Variants in FRMD5 observed in about 807,000 individuals in gnomAD.
The protein encoded by FRMD5 is FERM domain-containing protein 5.
A neutral mutation model predicts 69.0 loss-of-function variants in FRMD5; 20 were observed. That is an observed-to-expected ratio of 0.29 (90% CI 0.20 to 0.42). The LOEUF (loss-of-function observed/expected upper bound fraction) is 0.42. Ranked by LOEUF, FRMD5 falls within the 10% of genes least tolerant of loss-of-function variation. The probability of loss-of-function intolerance (pLI) is 1.00; values close to 1 mark genes in which losing one functional copy is unlikely to be tolerated. For missense variants in FRMD5, 595 were observed against 708.6 expected, an observed-to-expected ratio of 0.84 and a Z score of 1.82; for synonymous variants, 271 against 260.1, an observed-to-expected ratio of 1.04 and a Z score of -0.40.
At chr15:43,908,052 G>T (rs1240270505) in intron 5 of FRMD5, among the ~76,000 whole-genome samples, 1 of 152,116 alleles carries the variant, frequency 6.6e-6, no homozygotes, top group African/African-American at 2.4e-5. Flanking sequence ...CTGTAGAAAA[G>T]ACTAGAGTTT....
chr15:44,110,699 C>T (rs768944542), intron 1 of FRMD5, among the ~76,000 whole-genome samples: 23 of 152,298 alleles, frequency 1.5e-4, no homozygotes, highest in Middle Eastern at 3.4e-3. Flanking sequence ...TACTGCTAAC[C>T]CTGAAACTCT....
At chr15:44,173,354 C>A (rs189882613) in intron 1 of FRMD5, among the ~76,000 whole-genome samples, 9 of 152,092 alleles carry the variant, frequency 5.9e-5, no homozygotes, top group Non-Finnish European at 1.3e-4. Context: ...AGTAATACAG[C>A]TAGTTCTCCT....
At chr15:43,884,230 G>C (rs1455043505) in intron 12 of FRMD5, among the ~76,000 whole-genome samples, 1 of 152,162 alleles carries the variant, frequency 6.6e-6, no homozygotes, top group Non-Finnish European at 1.5e-5. Flanking sequence ...CCTTCCCAGA[G>C]GCAAAGGCTG....
intron 1 of FRMD5, among the ~76,000 whole-genome samples, chr15:44,180,256 C>A (rs2077974263): frequency 6.6e-6 from 1 of 151,862 alleles, no homozygotes; most frequent in South Asian, 2.1e-4. Flanking sequence ...TGAAAGAATG[C>A]ATATAAAGCA....
intron 4 of FRMD5, among the ~76,000 whole-genome samples, chr15:43,918,014 T>G (rs1383210968): frequency 6.6e-6 from 1 of 152,234 alleles, no homozygotes; most frequent in African/African-American, 2.4e-5. Flanking sequence ...CCCACTTCCT[T>G]GTTGCCTTTG....
intron 1 of FRMD5, among the ~76,000 whole-genome samples, chr15:43,987,741 G>A (rs1456189211): frequency 6.6e-6 from 1 of 151,900 alleles, no homozygotes; most frequent in African/African-American, 2.4e-5. Context: ...GTAGAGATGG[G>A]GTTTCACCAT....
At chr15:44,020,299 T>C (rs916133064) in intron 1 of FRMD5, among the ~76,000 whole-genome samples, 3 of 152,208 alleles carry the variant, frequency 2.0e-5, no homozygotes, top group Non-Finnish European at 4.4e-5. Context: ...TTATCACGTT[T>C]GCTCTTCCCT....
At chr15:43,911,565 A>G (rs964127128) in intron 4 of FRMD5, among the ~76,000 whole-genome samples, 4 of 152,172 alleles carry the variant, frequency 2.6e-5, no homozygotes. Flanking sequence ...CCTGACTGCA[A>G]CCTCGTGATT....
At chr15:44,090,459 G>A (rs78194493) in intron 1 of FRMD5, among the ~76,000 whole-genome samples, 1 of 123,272 alleles carries the variant, frequency 8.1e-6, no homozygotes, top group African/African-American at 2.9e-5. Flanking sequence ...TTTTTTTTTT[G>A]AGATACTTTC....
chr15:43,913,014 C>T (rs538161894), intron 4 of FRMD5, among the ~76,000 whole-genome samples: 6 of 145,042 alleles, frequency 4.1e-5, no homozygotes, highest in South Asian at 2.2e-4. Flanking sequence ...GCCTGGCTGA[C>T]GAGAGCAAAA....
At chr15:43,986,791 G>A (rs1288126615) in intron 1 of FRMD5, among the ~76,000 whole-genome samples, 3 of 150,948 alleles carry the variant, frequency 2.0e-5, no homozygotes, top group Non-Finnish European at 4.4e-5. Flanking sequence ...TAGATATTGT[G>A]GGGTTTTTGT....
chr15:43,875,348 C>CAAAAAAAAAAAAAA (rs1202161221), intron 13 of FRMD5, among the ~76,000 whole-genome samples: 1 of 46,828 alleles, frequency 2.1e-5, no homozygotes, highest in African/African-American at 1.0e-4. Flanking sequence ...AAGACTGTCT[C>CAAAAAAAAAAAAAA]AAAAAAAAAA....
intron 1 of FRMD5, among the ~76,000 whole-genome samples, chr15:44,146,813 C>T (rs1595520920): frequency 1.3e-5 from 2 of 152,234 alleles, no homozygotes; most frequent in Non-Finnish European, 2.9e-5. Context: ...AGTATCTGTT[C>T]ATGTCCTTTG....
chr15:43,988,790 C>T (rs1889524119), intron 1 of FRMD5, among the ~76,000 whole-genome samples: 1 of 152,048 alleles, frequency 6.6e-6, no homozygotes, highest in African/African-American at 2.4e-5. Flanking sequence ...GGGCAAGGTA[C>T]TTCCTGTAAC....
intron 1 of FRMD5, among the ~76,000 whole-genome samples, chr15:43,992,388 T>C (rs1889727169): frequency 6.6e-6 from 1 of 151,888 alleles, no homozygotes; most frequent in African/African-American, 2.4e-5. Context: ...TATTTATTTT[T>C]ATTTTTTTGA....
chr15:44,058,422 T>C (rs561928983), intron 1 of FRMD5, among the ~76,000 whole-genome samples: 1 of 152,290 alleles, frequency 6.6e-6, no homozygotes, highest in South Asian at 2.1e-4. Flanking sequence ...AATTATATTG[T>C]GGTGATGGTT....
At position 43,870,905 on chromosome 15, in the gene FRMD5, T is replaced by G. The variant is rs2088144668; in HGVS notation, c.*2980A>C. The G allele has an allele frequency of 6.6e-6, 1 of 152,206 alleles. No homozygotes were observed. Among genetic ancestry groups the G allele is most frequent in the South Asian group, 2.1e-4 (1 of 4,832 alleles). The allele number at this position is 152,206 out of a possible 1,614,324, so 9.4% of individuals were successfully genotyped here. A position where few individuals can be genotyped will look rare whatever the true frequency, so the allele number is the denominator to read the frequency against. On this transcript the variant is annotated 3_prime_UTR_variant, in exon 14 of 14. Coordinates refer to ENST00000417257, the MANE Select transcript of FRMD5 (RefSeq NM_032892.5). ...TAAGAGTTTTTGGCACACAGAAGGT[T>G]AACAACTATATATTTTTAAATGTAT... is the stretch of plus-strand genomic sequence containing the variant.
chr15:43,881,543 T>G (rs1270553934), intron 13 of FRMD5, among the ~76,000 whole-genome samples: 8 of 152,302 alleles, frequency 5.3e-5, no homozygotes, highest in Admixed American at 2.0e-4. Context: ...GGCTCAGAGA[T>G]AAAACAACCT....
intron 1 of FRMD5, among the ~76,000 whole-genome samples, chr15:44,169,954 C>T (rs2077772161): frequency 6.6e-6 from 1 of 152,132 alleles, no homozygotes; most frequent in Non-Finnish European, 1.5e-5. Flanking sequence ...GTGTATAGAA[C>T]TACTACATAC....
Sources: gnomAD v4.1 joint callset for allele counts (sites outside exome capture counted in the v4.1 genomes callset) on GRCh38, gnomAD v4.1.1 for gene constraint, MANE v1.5 for transcripts, NCBI Gene and HGNC (gene_info 2026-07-23, HGNC 2026-07-21) for gene names.